Variants in EXD1 observed in about 807,000 individuals in gnomAD.
EXD1 encodes piRNA biogenesis protein EXD1.
Under a neutral mutation model 49.1 loss-of-function variants are expected in EXD1, and 63 were observed. The ratio of observed to expected loss-of-function variants is 1.28; its 90% CI spans 1.05 to 1.58. The LOEUF (loss-of-function observed/expected upper bound fraction) is 1.58, where lower values mean the gene tolerates loss of function less well. Among genes scored for constraint, EXD1 ranks in the 40% most tolerant of loss-of-function variants. EXD1 has a pLI of 0.00. For synonymous variants in EXD1, 234 were observed against 239.2 expected, an observed-to-expected ratio of 0.98 and a Z score of 0.20; for missense variants, 748 against 666.0, an observed-to-expected ratio of 1.12 and a Z score of -1.36.
chr15:41,191,543 G>C lies in EXD1; in HGVS notation c.763C>G (p.Leu255Val), dbSNP rs759088753. 2 of 1,614,096 alleles carry C rather than the reference G, an allele frequency of 1.2e-6. No homozygotes were observed. Among genetic ancestry groups the C allele is most frequent in the Non-Finnish European group, 1.7e-6 (2 of 1,179,990 alleles). The change falls in exon 10 of 12, where the codon CTT becomes GTT. Residue 255 changes from leucine to valine, a missense_variant. Coordinates refer to ENST00000458580, the MANE Select transcript of EXD1 (RefSeq NM_001286441.2). ...LQFSMETGGY[L>V]PNCITTLQES... ...TGCAAAGTAGTGATGCAGTTTGGAA[G>C]ATAGCCACCCGTTTCCATGGAAAAC...
Position 41,183,830 on chromosome 15 carries a change from C to T in EXD1, c.*101G>A. ...ATATAATTTTCCCCTGTGACTGAAG[C>T]ATTACTACATTTACAACATGAGAAA... is the stretch of plus-strand genomic sequence containing the variant. On this transcript the variant is annotated 3_prime_UTR_variant, in exon 12 of 12. Coordinates refer to ENST00000458580, the MANE Select transcript of EXD1 (RefSeq NM_001286441.2). The T allele has an allele frequency of 1.7e-6, 2 of 1,158,226 alleles. No homozygotes were observed. Among genetic ancestry groups the T allele is most frequent in the Non-Finnish European group, 2.4e-6 (2 of 822,576 alleles). 71.7% of individuals were successfully genotyped at this position (1,158,226 alleles called of 1,614,324 possible).
chr15:41,191,315 G>T, intron 10 of EXD1, 127 bp downstream of exon 10: 1 of 812,820 alleles, frequency 1.2e-6, no homozygotes, highest in Non-Finnish European at 1.9e-6. Flanking sequence ...ATTTGGTACA[G>T]TTAAGATTTT....
chr15:41,214,416 G>C (rs1023637178), intron 6 of EXD1, among the ~76,000 whole-genome samples: 1 of 151,530 alleles, frequency 6.6e-6, no homozygotes, highest in African/African-American at 2.4e-5. Flanking sequence ...AGGAGGCTGA[G>C]CCAGGAGAAT....
At chr15:41,216,114 T>C (rs776692832) in intron 5 of EXD1, among the ~76,000 whole-genome samples, 1 of 152,052 alleles carries the variant, frequency 6.6e-6, no homozygotes, top group South Asian at 2.1e-4. Flanking sequence ...TGAATAAGTG[T>C]ACCCCAATAA....
chr15:41,221,312 C>T (rs2047085250), intron 2 of EXD1, among the ~76,000 whole-genome samples: 1 of 152,170 alleles, frequency 6.6e-6, no homozygotes, highest in Non-Finnish European at 1.5e-5. Flanking sequence ...TACTCTGTTG[C>T]ACAGGCTAGA....
intron 7 of EXD1, among the ~76,000 whole-genome samples, chr15:41,205,490 A>G (rs1041153876): frequency 6.6e-6 from 1 of 152,202 alleles, no homozygotes; most frequent in South Asian, 2.1e-4. Flanking sequence ...TAAAGAAAAC[A>G]AAGTTGGTTG....
chr15:41,210,805 G>A (rs935368318), intron 6 of EXD1, among the ~76,000 whole-genome samples: 4 of 152,066 alleles, frequency 2.6e-5, no homozygotes, highest in Admixed American at 6.6e-5. Context: ...CATGATAAAA[G>A]ATTCTCCCCA....
At chr15:41,206,688 C>T (rs1457834322) in intron 7 of EXD1, among the ~76,000 whole-genome samples, 6 of 129,364 alleles carry the variant, frequency 4.6e-5, no homozygotes, top group Non-Finnish European at 9.4e-5. Context: ...GTGGCACAAT[C>T]TCGGCTCACT....
intron 7 of EXD1, 41 bp from the exon 8 acceptor site, chr15:41,196,078 A>G (rs1268668622): frequency 2.7e-6 from 4 of 1,466,532 alleles, no homozygotes; most frequent in Non-Finnish European, 3.7e-6. Context: ...TAGGATAAGA[A>G]AGAACTGAGG....
intron 7 of EXD1, among the ~76,000 whole-genome samples, chr15:41,201,615 G>C (rs1430196143): frequency 6.6e-6 from 1 of 150,416 alleles, no homozygotes; most frequent in Non-Finnish European, 1.5e-5. Context: ...TCAGCCTCCC[G>C]AGTAGCTGGG....
intron 7 of EXD1, among the ~76,000 whole-genome samples, chr15:41,200,630 A>C (rs549015138): frequency 6.6e-6 from 1 of 152,128 alleles, no homozygotes; most frequent in South Asian, 2.1e-4. Flanking sequence ...GGTCATGGGG[A>C]CTCCAACTTA....
chr15:41,212,173 G>T (rs1041200056), intron 6 of EXD1, among the ~76,000 whole-genome samples: 3 of 152,136 alleles, frequency 2.0e-5, no homozygotes, highest in Non-Finnish European at 2.9e-5. Context: ...GGAACGGCTG[G>T]GCACAGTGGC....
chr15:41,184,346 A>T lies in EXD1; in HGVS notation c.1304T>A (p.Val435Glu), dbSNP rs773636600. 1 of 1,614,172 alleles carries T rather than the reference A, an allele frequency of 6.2e-7. No homozygotes were observed. The highest frequency in any genetic ancestry group is 1.1e-5 in the South Asian group (1 of 91,082). ...CAAAGATTCTTCTTTCAGTAAATTC[A>T]CATCCCCGTGAAAGTCTTGAGATGT... is the stretch of plus-strand genomic sequence containing the variant. ...SFTSQDFHGD[V>E]NLLKEESLNK... Residue 435 changes from valine to glutamate, a missense_variant, in exon 12 of 12, where the codon GTG (valine) becomes GAG (glutamate). Physicochemically the swap from Val to Glu is moderately radical, Grantham distance 121. Transcript: ENST00000458580.
At chr15:41,186,490 T>TAAAAAAAAAAAAAAAAAAAAG (rs2046410580) in intron 11 of EXD1, among the ~76,000 whole-genome samples, 1 of 71,544 alleles carries the variant, frequency 1.4e-5, no homozygotes, top group Non-Finnish European at 3.4e-5. Context: ...AAAAAAAAAA[T>TAAAAAAAAAAAAAAAAAAAAG]CAGAAAAAAA....
intron 7 of EXD1, among the ~76,000 whole-genome samples, chr15:41,199,843 TATA>T (rs1233169369): frequency 4.2e-5 from 6 of 143,036 alleles, no homozygotes; most frequent in South Asian, 2.1e-4. Flanking sequence ...ATATGATATA[TATA>T]ATATGTCATA....
intron 2 of EXD1, among the ~76,000 whole-genome samples, chr15:41,221,364 T>A (rs190774721): frequency 1.3e-5 from 2 of 152,258 alleles, no homozygotes; most frequent in East Asian, 1.9e-4. Flanking sequence ...CTTGAACACC[T>A]GGGTTTAAGC....
At chr15:41,184,654 ATC>A in intron 11 of EXD1, 61 bp from the exon 12 acceptor site, 1 of 1,420,094 alleles carries the variant, frequency 7.0e-7, no homozygotes, top group Non-Finnish European at 9.2e-7. Flanking sequence ...GGTACTTAAA[ATC>A]ACTTTTTTTT....
In EXD1 at chr15:41,218,518, G is replaced by T. The variant is rs560031998; in HGVS notation, c.202+1312C>A. On this transcript the variant is annotated intron_variant, in intron 3 of 11. Transcript: ENST00000458580. ...AAAAAAAAAAAAAGTATGAACGAAG[G>T]CCAAACCCTGGAGAAGAATTTAGGA... is the stretch of plus-strand genomic sequence containing the variant. Among the ~76,000 whole-genome samples, 13 of 151,114 alleles carry T rather than the reference G, an allele frequency of 8.6e-5. No individual in the cohort carries two copies. In the East Asian group the frequency reaches 2.1e-3, roughly 25 times the overall value.
intron 7 of EXD1, among the ~76,000 whole-genome samples, chr15:41,208,988 A>AC (rs11369518): frequency 1.0e-4 from 8 of 77,932 alleles, no homozygotes; most frequent in African/African-American, 7.2e-4. Context: ...TACTGAGCTT[A>AC]AAAAAAAAAA....
Sources: gnomAD v4.1 joint callset for allele counts (sites outside exome capture counted in the v4.1 genomes callset) on GRCh38, gnomAD v4.1.1 for gene constraint, MANE v1.5 for transcripts, NCBI Gene and HGNC (gene_info 2026-07-23, HGNC 2026-07-21) for gene names.